Variants in ELAVL2 observed in about 807,000 individuals in gnomAD.
The protein encoded by ELAVL2 is ELAV like RNA binding protein 2.
In ELAVL2, 4 loss-of-function variants were observed where a neutral mutation model predicts 34.6. That is an observed-to-expected ratio of 0.12 (90% CI 0.06 to 0.26). The LOEUF (loss-of-function observed/expected upper bound fraction) is 0.26, where lower values mean the gene tolerates loss of function less well. Ranked by LOEUF, ELAVL2 falls within the 10% of genes least tolerant of loss-of-function variation. The pLI, the probability that ELAVL2 is intolerant of heterozygous loss-of-function variation, is 1.00. For missense variants in ELAVL2, 432 were observed against 442.8 expected, an observed-to-expected ratio of 0.98 and a Z score of 0.22; for synonymous variants, 193 against 154.8, an observed-to-expected ratio of 1.25 and a Z score of -1.83.
At chr9:23,694,837 ATCT>A (rs953394322) in intron 5 of ELAVL2, among the ~76,000 whole-genome samples, 74 of 152,112 alleles carry the variant, frequency 4.9e-4, no homozygotes, top group Admixed American at 2.6e-3. Flanking sequence ...ATGACAAAAG[ATCT>A]TCGTGTGTGA....
intron 1 of ELAVL2, among the ~76,000 whole-genome samples, chr9:23,811,687 T>C (rs1165582308): frequency 6.6e-6 from 1 of 152,156 alleles, no homozygotes; most frequent in Non-Finnish European, 1.5e-5. Context: ...GTCAACAGAA[T>C]AAAACTCTGG....
intron 5 of ELAVL2, among the ~76,000 whole-genome samples, chr9:23,697,497 T>C (rs1274699978): frequency 6.6e-6 from 1 of 152,230 alleles, no homozygotes; most frequent in Non-Finnish European, 1.5e-5. Context: ...TATCCTTTTT[T>C]ATGTTTGATT....
In ELAVL2 at chr9:23,766,022, A is replaced by C. The variant is rs181303475; in HGVS notation, c.-15-3773T>G. Among the ~76,000 whole-genome samples, 200 of 152,318 alleles carry C rather than the reference A, an allele frequency of 1.3e-3. 1 individual carries two copies. The highest frequency in any genetic ancestry group is 4.6e-3 in the African/African-American group (190 of 41,580). ...TGCAGATGCTTCAAATGGTCAATAT[A>C]ATCAGAAAACTTAGTTTCTAAAAAT... On this transcript the variant is annotated intron_variant, in intron 1 of 6. Coordinates refer to ENST00000397312, the MANE Select transcript of ELAVL2 (RefSeq NM_004432.5).
intron 2 of ELAVL2, among the ~76,000 whole-genome samples, chr9:23,747,853 G>A (rs1231606176): frequency 6.6e-6 from 1 of 152,082 alleles, no homozygotes; most frequent in Admixed American, 6.6e-5. Flanking sequence ...TGTACTTGCA[G>A]CCAACATGCA....
At chr9:23,711,170 A>C (rs1564006398) in intron 3 of ELAVL2, among the ~76,000 whole-genome samples, 1 of 152,238 alleles carries the variant, frequency 6.6e-6, no homozygotes, top group African/African-American at 2.4e-5. Context: ...AAAAGAAATA[A>C]TCACATCCAA....
chr9:23,735,003 A>G (rs113395340), intron 2 of ELAVL2, among the ~76,000 whole-genome samples: 2 of 149,472 alleles, frequency 1.3e-5, no homozygotes, highest in African/African-American at 4.9e-5. Flanking sequence ...ATTTCTTTAA[A>G]AAGTTTTATA....
chr9:23,797,480 T>C (rs936385470), intron 1 of ELAVL2, among the ~76,000 whole-genome samples: 5 of 152,120 alleles, frequency 3.3e-5, no homozygotes, highest in Admixed American at 6.6e-5. Flanking sequence ...AGGCCAGCTA[T>C]TGGGAATTTA....
the ELAVL2 span, among the ~76,000 whole-genome samples, chr9:23,842,927 G>A: frequency 1.3e-5 from 2 of 152,068 alleles, no homozygotes; most frequent in Non-Finnish European, 2.9e-5. Flanking sequence ...TCAATGAACT[G>A]TACTTGCCAT....
chr9:23,784,688 T>C (rs1456428522), intron 1 of ELAVL2, among the ~76,000 whole-genome samples: 4 of 152,192 alleles, frequency 2.6e-5, no homozygotes, highest in Non-Finnish European at 5.9e-5. Context: ...ATGAAGGAAA[T>C]GAAACCCAGA....
chr9:23,746,205 C>A (rs1348464409), intron 2 of ELAVL2, among the ~76,000 whole-genome samples: 3 of 152,130 alleles, frequency 2.0e-5, no homozygotes, highest in African/African-American at 4.8e-5. Context: ...AAAACAAACT[C>A]CTTTACCAAT....
intron 1 of ELAVL2, among the ~76,000 whole-genome samples, chr9:23,795,700 T>C (rs2060836573): frequency 6.6e-6 from 1 of 152,240 alleles, no homozygotes; most frequent in Non-Finnish European, 1.5e-5. Flanking sequence ...TTGCCACTAT[T>C]AAAATGGAAT....
At chr9:23,707,844 A>G (rs1245477838) in intron 3 of ELAVL2, among the ~76,000 whole-genome samples, 2 of 152,194 alleles carry the variant, frequency 1.3e-5, no homozygotes, top group African/African-American at 4.8e-5. Context: ...GTAAATGCCC[A>G]GCCCCTTAAA....
chr9:23,768,180 C>T (rs542621998), intron 1 of ELAVL2, among the ~76,000 whole-genome samples: 1 of 152,302 alleles, frequency 6.6e-6, no homozygotes, highest in Admixed American at 6.5e-5. Context: ...AAATCCTGTA[C>T]AACTACTTTT....
intron 2 of ELAVL2, among the ~76,000 whole-genome samples, chr9:23,732,400 C>T (rs1193242798): frequency 6.6e-6 from 1 of 152,106 alleles, no homozygotes; most frequent in African/African-American, 2.4e-5. Context: ...AATATATGTC[C>T]TCTATCAAAA....
At chr9:23,744,577 T>A (rs2050048593) in intron 2 of ELAVL2, among the ~76,000 whole-genome samples, 1 of 152,128 alleles carries the variant, frequency 6.6e-6, no homozygotes, top group African/African-American at 2.4e-5. Flanking sequence ...CTTATTCTAG[T>A]TATCCTAATT....
chr9:23,822,473 C>G (rs1382607177), intron 1 of ELAVL2, among the ~76,000 whole-genome samples: 3 of 152,154 alleles, frequency 2.0e-5, no homozygotes, highest in Admixed American at 6.5e-5. Flanking sequence ...ACTCAAGACC[C>G]GAAATGGCCA....
At chr9:23,696,430 G>A (rs1233824988) in intron 5 of ELAVL2, among the ~76,000 whole-genome samples, 1 of 152,100 alleles carries the variant, frequency 6.6e-6, no homozygotes, top group Non-Finnish European at 1.5e-5. Flanking sequence ...CTAGAAATAT[G>A]TCTGCTGGGT....
chr9:23,767,744 T>C (rs1366977808), intron 1 of ELAVL2, among the ~76,000 whole-genome samples: 1 of 152,138 alleles, frequency 6.6e-6, no homozygotes, highest in African/African-American at 2.4e-5. Context: ...CTTCACTCCA[T>C]CCTGGGTGAC....
intron 2 of ELAVL2, among the ~76,000 whole-genome samples, chr9:23,743,023 A>ACT (rs1405220743): frequency 7.9e-5 from 12 of 152,108 alleles, no homozygotes; most frequent in African/African-American, 1.4e-4. Flanking sequence ...CCTCAAGAAC[A>ACT]CTCTCTCTGA....
Sources: gnomAD v4.1 joint callset for allele counts (sites outside exome capture counted in the v4.1 genomes callset) on GRCh38, gnomAD v4.1.1 for gene constraint, MANE v1.5 for transcripts, NCBI Gene and HGNC (gene_info 2026-07-23, HGNC 2026-07-21) for gene names.